The following WASHC2A variants were observed in gnomAD, a reference collection of about 807,000 sequenced individuals.
WASHC2A encodes the protein WASH complex subunit FAM21A.
A neutral mutation model predicts 140.3 loss-of-function variants in WASHC2A; 82 were observed. That is an observed-to-expected ratio of 0.58 (90% CI 0.49 to 0.70). WASHC2A has a LOEUF of 0.70. WASHC2A is among the 30% of genes least tolerant of loss of function. WASHC2A has a pLI of 0.00. For synonymous variants in WASHC2A, 340 were observed against 560.8 expected (o/e 0.61, Z 5.56); for missense variants, 985 against 1,521.8 (o/e 0.65, Z 5.87).
Position 50,069,550 on chromosome 10 carries a change from C to G in WASHC2A, c.130C>G (p.Leu44Val), listed in dbSNP as rs782623828. 4 of 1,612,752 alleles carry G rather than the reference C, an allele frequency of 2.5e-6. No individual in the cohort carries two copies. In the South Asian group the frequency reaches 4.4e-5, roughly 18 times the overall value. ...GTATGTTTATTTTTTAAAATAGCTA[C>G]TACAGTTTCTACAGGAATTCTCACA... ...SWSLAADAGL[L>V]QFLQEFSQQT... The change falls in exon 3 of 31, where the codon CTA (leucine) becomes GTA (valine). Residue 44 changes from leucine to valine, a missense_variant. Coordinates refer to ENST00000282633, the MANE Select transcript of WASHC2A (RefSeq NM_001005751.3).
At chr10:50,130,604 G>C (rs1205211084) in intron 29 of WASHC2A, among the ~76,000 whole-genome samples, 2 of 152,204 alleles carry the variant, frequency 1.3e-5, no homozygotes, top group Non-Finnish European at 2.9e-5. Flanking sequence ...TTTTCAAATA[G>C]TACTAAGTGT....
chr10:50,126,684 G>A (rs1247896777), intron 26 of WASHC2A, among the ~76,000 whole-genome samples: 3 of 151,932 alleles, frequency 2.0e-5, no homozygotes, highest in Admixed American at 6.6e-5. Flanking sequence ...AGGTGTCCCA[G>A]GGTGTCTCAC....
chr10:50,132,550 T>C lies in WASHC2A; in HGVS notation c.3887-256T>C, dbSNP rs569523775. Among the ~76,000 whole-genome samples, 821 of 152,324 alleles carry C rather than the reference T, an allele frequency of 5.4e-3. 4 individuals carry two copies. Among genetic ancestry groups the C allele is most frequent in the Non-Finnish European group, 4.5e-3 (307 of 68,034 alleles). The stretch of plus-strand genomic sequence containing the variant: ...GAGATCAAGTTACGCTTCCCTTTTT[T>C]CTGTCCTACACACGCACATACATAC... On this transcript the variant is annotated intron_variant, in intron 30 of 30. Coordinates refer to ENST00000282633, the MANE Select transcript of WASHC2A (RefSeq NM_001005751.3).
Position 50,127,145 on chromosome 10 carries a change from T to C in WASHC2A, c.2812-15T>C. 6.2e-7 allele frequency: 1 copy of C among 1,612,068 alleles called. No homozygotes were observed. The highest frequency in any genetic ancestry group is 2.2e-5 in the East Asian group (1 of 44,884). On this transcript the variant is annotated splice_polypyrimidine_tract_variant and intron_variant, in intron 26 of 30. Coordinates refer to ENST00000282633, the MANE Select transcript of WASHC2A (RefSeq NM_001005751.3). ...TTTCCCAAATGGATTTTTAACTGGA[T>C]GTAATTTTACACAGGACTCATCAGG...
chr10:50,095,567 C>T lies in WASHC2A; in HGVS notation c.1241-32C>T, dbSNP rs199975926. The T allele has an allele frequency of 1.6e-3, 2,618 of 1,611,758 alleles. 1 individual carries two copies. The highest frequency in any genetic ancestry group is 2.0e-3 in the Non-Finnish European group (2,331 of 1,179,748). On this transcript the variant is annotated intron_variant, in intron 14 of 30. Transcript: ENST00000282633. ...AATTCAACCGGCCCACACTGGCTCA[C>T]AGCTGTGGCTGTCTTGTCTTTCCAC...
At chr10:50,105,283 C>T (rs1360933753) in intron 18 of WASHC2A, among the ~76,000 whole-genome samples, 9 of 151,072 alleles carry the variant, frequency 6.0e-5, no homozygotes, top group Non-Finnish European at 8.9e-5. Context: ...CAGTACTGGG[C>T]GGTGGTGAGC....
rs782453741 is a variant in WASHC2A, at chr10:50,068,166, C to G, written c.65C>G (p.Pro22Arg). Residue 22 changes from proline (P) to arginine (R), a missense_variant, in exon 2 of 31, where the codon CCG becomes CGG. By Grantham distance (103) the Pro-to-Arg change is moderately radical. Transcript: ENST00000282633. The stretch of plus-strand genomic sequence containing the variant: ...GCGTCGGAGCCCGTGTGGGAGCGGC[C>G]GTGGTCGGTGGAGGAGATCCGCAGG... ...APASEPVWER[P>R]WSVEEIRRSS... The G allele has an allele frequency of 1.2e-6, 2 of 1,601,368 alleles. No individual in the cohort carries two copies. Among genetic ancestry groups the G allele is most frequent in the Non-Finnish European group, 1.7e-6 (2 of 1,174,890 alleles).
At chr10:50,110,039 G>T in intron 19 of WASHC2A, 62 bp from the exon 20 acceptor site, 1 of 1,457,688 alleles carries the variant, frequency 6.9e-7, no homozygotes, top group Non-Finnish European at 9.4e-7. Flanking sequence ...CAAAGTGCTG[G>T]GATTATAGGT....
chr10:50,107,706 G>A (rs1841925594), intron 19 of WASHC2A, among the ~76,000 whole-genome samples: 1 of 151,408 alleles, frequency 6.6e-6, no homozygotes, highest in Non-Finnish European at 1.5e-5. Flanking sequence ...CAGATCACTT[G>A]AGGTTGGGAG....
At position 50,114,394 on chromosome 10, in the gene WASHC2A, T is replaced by C. The variant is rs576717793; in HGVS notation, c.2142+397T>C. On this transcript the variant is annotated intron_variant, in intron 21 of 30. Transcript: ENST00000282633. ...ATTCTCACATGTGCTACAAAATGCA[T>C]GAACCTTGAGGCCGTTATACTCTAT... Among the ~76,000 whole-genome samples the C allele has an allele frequency of 3.5e-4, 32 of 92,220 alleles. 6 individuals are homozygous for C. Among genetic ancestry groups the C allele is most frequent in the Middle Eastern group, 7.1e-3 (1 of 140 alleles). 60.5% of individuals were successfully genotyped at this position (92,220 alleles called of 152,430 possible).
chr10:50,132,819 C>T lies in WASHC2A; in HGVS notation c.3900C>T (p.Ser1300=). 1.9e-6 allele frequency: 3 copies of T among 1,612,028 alleles called. No individual in the cohort carries two copies. Among genetic ancestry groups the T allele is most frequent in the South Asian group, 1.1e-5 (1 of 90,986 alleles). Residue 1300 remains serine, a synonymous_variant, in exon 31 of 31, where the codon TCC becomes TCT. Transcript: ENST00000282633. The part of the protein sequence containing the change: ...IFDDDMDDIF[S]SGIQAKTTKP... Reference sequence around the variant, plus strand: ...TTCTTTCTAAAGATGACATCTTCTCCTCTGGTATCCAGGCTAAGACAACCA... The same window carrying T: ...TTCTTTCTAAAGATGACATCTTCTCTTCTGGTATCCAGGCTAAGACAACCA...
intron 30 of WASHC2A, among the ~76,000 whole-genome samples, chr10:50,132,045 G>C (rs1057318316): frequency 7.2e-5 from 11 of 152,292 alleles, no homozygotes; most frequent in Admixed American, 2.0e-4. Flanking sequence ...TACCTATTCT[G>C]CTCTGTCTTT....
chr10:50,110,341 T>C, intron 20 of WASHC2A, 71 bp downstream of exon 20: 1 of 1,597,272 alleles, frequency 6.3e-7, no homozygotes, highest in Non-Finnish European at 8.6e-7. Flanking sequence ...TGATGCACAA[T>C]CTAGTTCATC....
intron 3 of WASHC2A, among the ~76,000 whole-genome samples, chr10:50,072,058 G>T (rs1444961811): frequency 7.5e-6 from 1 of 133,394 alleles, no homozygotes. Context: ...ACAGGCTCCC[G>T]CCACCAGGCC....
intron 13 of WASHC2A, among the ~76,000 whole-genome samples, chr10:50,094,690 C>T (rs1172298615): frequency 6.6e-6 from 1 of 151,690 alleles, no homozygotes; most frequent in East Asian, 1.9e-4. Flanking sequence ...CATGTTTTGG[C>T]ATCAGTGACT....
Position 50,128,412 on chromosome 10 carries a change from C to A in WASHC2A, c.3087+617C>A, listed in dbSNP as rs1330824159. 3.9e-5 allele frequency among the ~76,000 whole-genome samples: 6 copies of A among 152,356 alleles called. 1 individual carries two copies. The highest frequency in any genetic ancestry group is 1.4e-4 in the African/African-American group (6 of 41,586). On this transcript the variant is annotated intron_variant, in intron 28 of 30. Transcript: ENST00000282633. The stretch of plus-strand genomic sequence containing the variant: ...CTGCACTCCCCGCACCAAGTTCCCA[C>A]AGCAGCGACACTGTTTCATGGGATC...
intron 4 of WASHC2A, among the ~76,000 whole-genome samples, chr10:50,080,057 A>G (rs1384548984): frequency 1.3e-5 from 2 of 151,858 alleles, no homozygotes; most frequent in African/African-American, 2.4e-5. Flanking sequence ...GGGGGAAATG[A>G]CACTAAATAT....
chr10:50,111,228 A>G (rs1274777997), intron 20 of WASHC2A, among the ~76,000 whole-genome samples: 3 of 141,892 alleles, frequency 2.1e-5, no homozygotes, highest in Non-Finnish European at 3.2e-5. Context: ...AACTGATTGG[A>G]CATGTAAATC....
In WASHC2A at chr10:50,116,315, A is replaced by T. The variant is rs1288850266; in HGVS notation, c.2143-1591A>T. ...TATCAACTATTTGCATTGAATTATTATTATTTTTTTTTTTTTTTGAGACGG... is the reference window on the plus strand; with the variant it reads ...TATCAACTATTTGCATTGAATTATTTTTATTTTTTTTTTTTTTTGAGACGG... On this transcript the variant is annotated intron_variant, in intron 21 of 30. Coordinates refer to ENST00000282633, the MANE Select transcript of WASHC2A (RefSeq NM_001005751.3). Among the ~76,000 whole-genome samples, 294 of 59,046 alleles carry T rather than the reference A, an allele frequency of 5.0e-3. 1 individual carries two copies. The highest frequency in any genetic ancestry group is 8.7e-3 in the East Asian group (14 of 1,608). 38.7% of individuals were successfully genotyped at this position (59,046 alleles called of 152,430 possible). A position where few individuals can be genotyped will look rare whatever the true frequency, so the allele number is the denominator to read the frequency against.
Sources: gnomAD v4.1 joint callset for allele counts (sites outside exome capture counted in the v4.1 genomes callset) on GRCh38, gnomAD v4.1.1 for gene constraint, MANE v1.5 for transcripts, NCBI Gene and HGNC (gene_info 2026-07-23, HGNC 2026-07-21) for gene names.